The following CXorf58 variants were observed in gnomAD, a reference collection of about 807,000 sequenced individuals.
CXorf58 encodes the protein chromosome X open reading frame 58.
CXorf58 carries 24 observed loss-of-function variants against 26.0 expected under a neutral mutation model. That is an observed-to-expected ratio of 0.92 (90% confidence interval 0.67 to 1.30). The LOEUF is 1.30. CXorf58 is among the 50% of genes most tolerant of loss of function. CXorf58 has a pLI of 0.00. For synonymous variants in CXorf58, 87 were observed against 86.1 expected, an observed-to-expected ratio of 1.01 and a Z score of -0.06; for missense variants, 236 against 263.9, an observed-to-expected ratio of 0.89 and a Z score of 0.73.
intron 6 of CXorf58, among the ~76,000 whole-genome samples, chrX:23,929,908 C>T (rs1256693219): frequency 4.5e-5 from 5 of 111,355 alleles, no homozygotes; most frequent in Non-Finnish European, 9.4e-5. Flanking sequence ...AAAAATTATG[C>T]TAAATCTATC....
chrX:23,924,172 A>T (rs995021706), intron 5 of CXorf58, among the ~76,000 whole-genome samples: 1 of 112,076 alleles, frequency 8.9e-6, no homozygotes, highest in Non-Finnish European at 1.9e-5. Context: ...TATGGTCTTC[A>T]TACCTGTTCA....
chrX:23,929,468 C>T (rs748661101), intron 6 of CXorf58, among the ~76,000 whole-genome samples: 12 of 109,296 alleles, frequency 1.1e-4, no homozygotes, highest in African/African-American at 4.0e-4. Flanking sequence ...TCCCTTAAAC[C>T]AAAGCCTAAT....
intron 1 of CXorf58, 67 bp downstream of exon 1, chrX:23,908,396 A>G (rs1927473547): frequency 8.9e-6 from 1 of 112,778 alleles, no homozygotes. Context: ...GATAATGGCA[A>G]TAATTATCTT....
intron 5 of CXorf58, among the ~76,000 whole-genome samples, chrX:23,923,304 T>A (rs144049316): frequency 0.012 from 1,339 of 110,841 alleles, 27 homozygotes; most frequent in African/African-American, 0.042. Flanking sequence ...ACTGAGGCAC[T>A]GCACACATAA....
Position 23,910,760 on chromosome X carries a change from C to CTTTTTTT in CXorf58, c.116+359_116+365dup, listed in dbSNP as rs779387168. Among the ~76,000 whole-genome samples, 26 of 51,410 alleles carry CTTTTTTT rather than the reference C, an allele frequency of 5.1e-4. 1 individual carries two copies. Among genetic ancestry groups the CTTTTTTT allele is most frequent in the African/African-American group, 1.6e-3 (19 of 11,832 alleles). The allele number at this position is 51,410 out of a possible 115,157, so 44.6% of individuals were successfully genotyped here. ...TTCCACACTTCAGGCTTTTTCCTTT[C>CTTTTTTT]TTTTTTTTTTTTTTTTTTTTTTTCA... On this transcript the variant is annotated intron_variant, in intron 2 of 8. Coordinates refer to ENST00000379211, the MANE Select transcript of CXorf58 (RefSeq NM_152761.3).
At chrX:23,908,928 C>T (rs1269608675) in intron 1 of CXorf58, among the ~76,000 whole-genome samples, 1 of 111,688 alleles carries the variant, frequency 9.0e-6, no homozygotes, top group East Asian at 2.8e-4. Context: ...GGCTTTGGTT[C>T]GGTGATTTTG....
Position 23,932,401 on chromosome X carries a change from G to A in CXorf58, c.556-2795G>A, listed in dbSNP as rs762485837. Among the ~76,000 whole-genome samples the A allele has an allele frequency of 2.7e-5, 3 of 112,101 alleles. No individual in the cohort carries two copies. In the South Asian group the frequency reaches 1.1e-3, roughly 41 times the overall value. On this transcript the variant is annotated intron_variant, in intron 6 of 8. Coordinates refer to ENST00000379211, the MANE Select transcript of CXorf58 (RefSeq NM_152761.3). ...TGATGGCAGTGTTAGCATTCCCACA[G>A]TCACCTGTTTCTTCTAGAACTCCAT...
intron 5 of CXorf58, among the ~76,000 whole-genome samples, chrX:23,919,742 G>A (rs942558909): frequency 1.8e-5 from 2 of 112,443 alleles, no homozygotes; most frequent in African/African-American, 3.2e-5. Context: ...AGTATTTACT[G>A]TAGTCTTTAC....
At chrX:23,927,194 T>C in intron 5 of CXorf58, 45 bp from the exon 6 acceptor site, 1 of 933,900 alleles carries the variant, frequency 1.1e-6, no homozygotes, top group Non-Finnish European at 1.5e-6. Context: ...TGATCATTAA[T>C]GCTATTCTAC....
intron 6 of CXorf58, among the ~76,000 whole-genome samples, chrX:23,931,894 A>G (rs752598399): frequency 1.8e-5 from 2 of 112,527 alleles, no homozygotes; most frequent in Middle Eastern, 4.2e-3. Context: ...AAAAAAACCC[A>G]ACACATTTAG....
chrX:23,932,981 C>G (rs760508471), intron 6 of CXorf58, among the ~76,000 whole-genome samples: 5 of 109,957 alleles, frequency 4.5e-5, no homozygotes, highest in Non-Finnish European at 5.7e-5. Context: ...GGCGATAAAG[C>G]AAGACTCCAT....
chrX:23,916,378 A>G (rs1927721826), intron 5 of CXorf58, 50 bp downstream of exon 5: 1 of 765,731 alleles, frequency 1.3e-6, no homozygotes, highest in South Asian at 2.3e-5. Flanking sequence ...TTTAACATCT[A>G]CATAGTATCT....
In CXorf58 at chrX:23,913,956, A is replaced by T. The variant is rs775568451; in HGVS notation, c.217-1744A>T. On this transcript the variant is annotated intron_variant, in intron 3 of 8. Coordinates refer to ENST00000379211, the MANE Select transcript of CXorf58 (RefSeq NM_152761.3). The stretch of plus-strand genomic sequence containing the variant: ...ATTATCCATTGTCTTTGAATATGGA[A>T]CTTGTATTTAATTTTATAATGCTGG... 2.7e-5 allele frequency among the ~76,000 whole-genome samples: 3 copies of T among 111,626 alleles called. 1 individual carries two copies. Among genetic ancestry groups the T allele is most frequent in the Non-Finnish European group, 5.7e-5 (3 of 53,072 alleles).
At chrX:23,922,269 G>T (rs974939492) in intron 5 of CXorf58, among the ~76,000 whole-genome samples, 1 of 110,638 alleles carries the variant, frequency 9.0e-6, no homozygotes, top group African/African-American at 3.3e-5. Flanking sequence ...AGCTACTCGG[G>T]AGGCTAAGGC....
chrX:23,927,769 C>T (rs1175598900), intron 6 of CXorf58, among the ~76,000 whole-genome samples: 1 of 111,397 alleles, frequency 9.0e-6, no homozygotes, highest in Non-Finnish European at 1.9e-5. Flanking sequence ...TCTGGTAAGT[C>T]CCAGTGTGTG....
chrX:23,914,617 G>A (rs998878162), intron 3 of CXorf58, among the ~76,000 whole-genome samples: 1 of 111,874 alleles, frequency 8.9e-6, no homozygotes, highest in Non-Finnish European at 1.9e-5. Context: ...CAGGTGCAGT[G>A]GCTCACGCCT....
At chrX:23,914,820 G>C (rs1050172386) in intron 3 of CXorf58, among the ~76,000 whole-genome samples, 1 of 109,502 alleles carries the variant, frequency 9.1e-6, no homozygotes, top group African/African-American at 3.3e-5. Flanking sequence ...GGAGGTGGAG[G>C]TTGCGGTGAG....
At chrX:23,919,323 A>G (rs1927805947) in intron 5 of CXorf58, among the ~76,000 whole-genome samples, 1 of 111,804 alleles carries the variant, frequency 8.9e-6, no homozygotes, top group African/African-American at 3.3e-5. Flanking sequence ...CAAGTTCACT[A>G]ATTCTTCTGC....
chrX:23,922,759 C>G lies in CXorf58; in HGVS notation c.424-4480C>G, dbSNP rs185522890. On this transcript the variant is annotated intron_variant, in intron 5 of 8. Transcript: ENST00000379211. ...TGTATGTAATTGGACTGTTCCAAAC[C>G]AAGAAACTGTTCCAATGCATGGATA... Among the ~76,000 whole-genome samples the G allele has an allele frequency of 4.2e-3, 472 of 112,411 alleles. 4 individuals carry two copies. The highest frequency in any genetic ancestry group is 0.015 in the African/African-American group (452 of 31,004).
Sources: gnomAD v4.1 joint callset for allele counts (sites outside exome capture counted in the v4.1 genomes callset) on GRCh38, gnomAD v4.1.1 for gene constraint, MANE v1.5 for transcripts, NCBI Gene and HGNC (gene_info 2026-07-23, HGNC 2026-07-21) for gene names.